Variants in SLIT1 observed in about 807,000 individuals in gnomAD.
SLIT1 encodes the protein slit guidance ligand 1.
SLIT1 carries 66 observed loss-of-function variants against 186.1 expected under a neutral mutation model. The observed-to-expected ratio is 0.35, with a 90% CI of 0.29 to 0.44. The LOEUF (loss-of-function observed/expected upper bound fraction) is 0.44. Among genes scored for constraint, SLIT1 ranks in the 20% least tolerant of loss-of-function variants. The pLI is 1.00. For synonymous variants in SLIT1, 761 were observed against 833.8 expected, an observed-to-expected ratio of 0.91 and a Z score of 1.50; for missense variants, 1,638 against 2,037.4, an observed-to-expected ratio of 0.80 and a Z score of 3.77.
At chr10:97,147,080 A>G (rs905274905) in intron 4 of SLIT1, among the ~76,000 whole-genome samples, 3 of 152,164 alleles carry the variant, frequency 2.0e-5, no homozygotes, top group African/African-American at 7.2e-5. Context: ...CAAACAGTGG[A>G]ATATTATCCA....
Position 97,030,747 on chromosome 10 carries a change from G to C in SLIT1, c.2582+10C>G. The C allele has an allele frequency of 4.3e-6, 7 of 1,609,986 alleles. No homozygotes were observed. The highest frequency in any genetic ancestry group is 5.9e-6 in the Non-Finnish European group (7 of 1,176,488). On this transcript the variant is annotated intron_variant, in intron 25 of 36. Transcript: ENST00000266058. ...CAAAGAGGCCCAGAGAAAGGGGCTA[G>C]GGTACTCACAGGTGAGACAGGGAGG... is the stretch of plus-strand genomic sequence containing the variant.
intron 7 of SLIT1, among the ~76,000 whole-genome samples, 173 bp downstream of exon 7, chr10:97,063,994 TA>T (rs1848919396): frequency 1.3e-5 from 2 of 152,178 alleles, no homozygotes; most frequent in Admixed American, 1.3e-4. Context: ...CCTGCAACCG[TA>T]TAACTCCTTC....
In SLIT1 at chr10:97,060,700, T is replaced by C; in HGVS notation, c.881A>G (p.Asp294Gly). The C allele has an allele frequency of 6.2e-7, 1 of 1,613,772 alleles. No individual in the cohort carries two copies. Among genetic ancestry groups the C allele is most frequent in the East Asian group, 2.2e-5 (1 of 44,884 alleles). ...AMCTCSNGIV[D>G]CRGKGLTAIP... Reference sequence around the variant, plus strand: ...GGCAGTGAGGCCTTTTCCACGACAGTCCACGATGCCATTGCTGCAGGTGCA... The same window carrying C: ...GGCAGTGAGGCCTTTTCCACGACAGCCCACGATGCCATTGCTGCAGGTGCA... The change falls in exon 9 of 37, where the codon GAC becomes GGC. Residue 294 changes from aspartate (D) to glycine (G), a missense_variant. By Grantham distance (94) the Asp-to-Gly change is moderately conservative. Transcript: ENST00000266058.
intron 3 of SLIT1, among the ~76,000 whole-genome samples, chr10:97,162,818 CCA>C (rs1850047471): frequency 6.6e-6 from 1 of 151,816 alleles, no homozygotes; most frequent in South Asian, 2.1e-4. Flanking sequence ...CCACCTCACC[CCA>C]CTATGTTTCT....
At chr10:97,012,678 G>A (rs778696243) in intron 30 of SLIT1, among the ~76,000 whole-genome samples, 2 of 152,196 alleles carry the variant, frequency 1.3e-5, no homozygotes, top group African/African-American at 2.4e-5. Context: ...GGAGTACAGC[G>A]TCCGTCTACC....
At position 97,059,504 on chromosome 10, in the gene SLIT1, C is replaced by T. The variant is rs1199381005; in HGVS notation, c.1041G>A (p.Glu347=). ...RIDLSNNQIA[E]IAPDAFQGLR... ...GGCCCTGGAAGGCGTCGGGTGCAAT[C>T]TCAGCGATCTGATTGTTGCTCAGGT... Residue 347 remains glutamate, a synonymous_variant, in exon 11 of 37, where the codon GAG becomes GAA. Transcript: ENST00000266058. 1 of 1,613,884 alleles carries T rather than the reference C, an allele frequency of 6.2e-7. No individual in the cohort carries two copies. Among genetic ancestry groups the T allele is most frequent in the East Asian group, 2.2e-5 (1 of 44,872 alleles).
chr10:97,119,698 G>A (rs1378556940), intron 4 of SLIT1, among the ~76,000 whole-genome samples: 1 of 151,354 alleles, frequency 6.6e-6, no homozygotes, highest in Non-Finnish European at 1.5e-5. Flanking sequence ...CAGCGGTGGG[G>A]AGGGTCCCGG....
At position 97,059,491 on chromosome 10, in the gene SLIT1, C is replaced by G. The variant is rs778164988; in HGVS notation, c.1054G>C (p.Ala352Pro). 1 of 1,613,816 alleles carries G rather than the reference C, an allele frequency of 6.2e-7. No homozygotes were observed. The highest frequency in any genetic ancestry group is 1.1e-5 in the South Asian group (1 of 91,080). Residue 352 changes from alanine to proline, a missense_variant, in exon 11 of 37, where the codon GCC (alanine) becomes CCC (proline). Ala to Pro is a conservative substitution (Grantham distance 27). Transcript: ENST00000266058. ...TTCAGGGAGCGGAGGCCCTGGAAGGCGTCGGGTGCAATCTCAGCGATCTGA... is the reference window on the plus strand; with the variant it reads ...TTCAGGGAGCGGAGGCCCTGGAAGGGGTCGGGTGCAATCTCAGCGATCTGA... ...NNQIAEIAPD[A>P]FQGLRSLNSL...
chr10:97,183,857 G>C (rs956763588), intron 1 of SLIT1, among the ~76,000 whole-genome samples: 34 of 152,074 alleles, frequency 2.2e-4, no homozygotes, highest in African/African-American at 8.2e-4. Flanking sequence ...CATGGAGGGT[G>C]ACCAGGCCAC....
chr10:97,063,760 C>A lies in SLIT1; in HGVS notation c.630-142G>T, dbSNP rs928446162. 3 of 881,788 alleles carry A rather than the reference C, an allele frequency of 3.4e-6. No individual in the cohort carries two copies. In the Admixed American group the frequency reaches 8.7e-5, roughly 26 times the overall value. The allele number at this position is 881,788 out of a possible 1,614,324, so 54.6% of individuals were successfully genotyped here. A position where few individuals can be genotyped will look rare whatever the true frequency, so the allele number is the denominator to read the frequency against. On this transcript the variant is annotated intron_variant, in intron 7 of 36. Transcript: ENST00000266058. ...TCTACATTTAGTCAAGTAGACGGCTCAGCTCCAACCCGGGGATTATCCACA... is the reference window on the plus strand; with the variant it reads ...TCTACATTTAGTCAAGTAGACGGCTAAGCTCCAACCCGGGGATTATCCACA...
chr10:97,112,360 T>A (rs1277373425), intron 4 of SLIT1, among the ~76,000 whole-genome samples: 1 of 152,210 alleles, frequency 6.6e-6, no homozygotes. Flanking sequence ...CCTCCCATGG[T>A]TCTGAGCTCC....
chr10:97,025,652 C>T (rs901460497), intron 25 of SLIT1, among the ~76,000 whole-genome samples: 9 of 152,168 alleles, frequency 5.9e-5, no homozygotes, highest in Non-Finnish European at 7.3e-5. Flanking sequence ...AGCCAGGCCA[C>T]GCCAATCCAA....
At chr10:97,128,917 A>C (rs1176586034) in intron 4 of SLIT1, among the ~76,000 whole-genome samples, 1 of 115,066 alleles carries the variant, frequency 8.7e-6, no homozygotes, top group Non-Finnish European at 2.2e-5. Flanking sequence ...CTGCCCTGGA[A>C]AACTAAGACA....
chr10:97,107,466 A>G (rs1246968263), intron 4 of SLIT1, among the ~76,000 whole-genome samples: 3 of 152,270 alleles, frequency 2.0e-5, no homozygotes, highest in African/African-American at 7.2e-5. Context: ...TCTTAACTGC[A>G]TCACACGAGA....
At chr10:97,064,981 T>A in intron 5 of SLIT1, 105 bp from the exon 6 acceptor site, 2 of 761,568 alleles carry the variant, frequency 2.6e-6, no homozygotes, top group East Asian at 5.6e-5. Context: ...GGTGCACCCC[T>A]AGCCGTTTGT....
intron 25 of SLIT1, among the ~76,000 whole-genome samples, chr10:97,029,471 C>T (rs1410971592): frequency 6.6e-6 from 1 of 152,190 alleles, no homozygotes; most frequent in South Asian, 2.1e-4. Context: ...CAGGCAGAGT[C>T]CACGTGGCCA....
chr10:97,028,007 T>C lies in SLIT1; in HGVS notation c.2582+2750A>G, dbSNP rs139346743. On this transcript the variant is annotated intron_variant, in intron 25 of 36. Coordinates refer to ENST00000266058, the MANE Select transcript of SLIT1 (RefSeq NM_003061.3). The stretch of plus-strand genomic sequence containing the variant: ...GGACACTCGGCTATGCCCAGGTGTA[T>C]GCAACAAAAGCTATGTGGTCCCAGG... Among the ~76,000 whole-genome samples, 338 of 152,284 alleles carry C rather than the reference T, an allele frequency of 2.2e-3. 2 individuals are homozygous for C. The highest frequency in any genetic ancestry group is 7.7e-3 in the African/African-American group (321 of 41,550).
intron 1 of SLIT1, among the ~76,000 whole-genome samples, chr10:97,174,155 G>A (rs1017653803): frequency 4.6e-5 from 7 of 152,162 alleles, no homozygotes; most frequent in African/African-American, 1.4e-4. Context: ...TCTGGAGCTC[G>A]GACTGCCATC....
chr10:97,036,295 C>T (rs1002166124), intron 22 of SLIT1, among the ~76,000 whole-genome samples: 10 of 152,160 alleles, frequency 6.6e-5, no homozygotes, highest in Non-Finnish European at 1.3e-4. Flanking sequence ...ACTTCAGCCC[C>T]CAAGAGGCAG....
Sources: gnomAD v4.1 joint callset for allele counts (sites outside exome capture counted in the v4.1 genomes callset) on GRCh38, gnomAD v4.1.1 for gene constraint, MANE v1.5 for transcripts, NCBI Gene and HGNC (gene_info 2026-07-23, HGNC 2026-07-21) for gene names.